Variants in RNGTT observed in about 807,000 individuals in gnomAD.
RNGTT encodes mRNA-capping enzyme.
A neutral mutation model predicts 79.3 loss-of-function variants in RNGTT; 33 were observed. The ratio of observed to expected loss-of-function variants is 0.42; its 90% confidence interval spans 0.32 to 0.56. The LOEUF is 0.56. Among genes scored for constraint, RNGTT ranks in the 20% least tolerant of loss-of-function variants. The pLI is 0.17. For synonymous variants in RNGTT, 222 were observed against 235.9 expected (o/e 0.94, Z 0.54); for missense variants, 497 against 739.1 (o/e 0.67, Z 3.80).
intron 13 of RNGTT, among the ~76,000 whole-genome samples, chr6:88,683,248 A>G (rs1256682543): frequency 6.6e-6 from 1 of 152,144 alleles, no homozygotes; most frequent in African/African-American, 2.4e-5. Context: ...AAGAAAACAC[A>G]CAAATAATCA....
rs1047103975 is a variant in RNGTT at position 88,612,664 on chromosome 6, A to G, written c.*55T>C. 7.1e-6 allele frequency: 11 copies of G among 1,539,020 alleles called. No individual in the cohort carries two copies. The East Asian group carries it at 2.1e-4, about 29-fold the overall frequency. ...ATTTCTCTGGCTACAAAAATGGGCA[A>G]CAGCGTTTTTTCCTCATTCCTCTTT... On this transcript the variant is annotated 3_prime_UTR_variant, in exon 16 of 16. Coordinates refer to ENST00000369485, the MANE Select transcript of RNGTT (RefSeq NM_003800.5).
chr6:88,753,662 T>G (rs1777913172), intron 13 of RNGTT, among the ~76,000 whole-genome samples: 1 of 151,912 alleles, frequency 6.6e-6, no homozygotes, highest in Non-Finnish European at 1.5e-5. Context: ...ATGCAACCGT[T>G]TAAATAGTAA....
At chr6:88,659,991 C>T (rs1774121012) in intron 14 of RNGTT, among the ~76,000 whole-genome samples, 1 of 152,146 alleles carries the variant, frequency 6.6e-6, no homozygotes, top group Non-Finnish European at 1.5e-5. Flanking sequence ...GCATTGGGGT[C>T]CTATCTTTAC....
intron 8 of RNGTT, among the ~76,000 whole-genome samples, chr6:88,854,906 A>G (rs531626182): frequency 2.2e-4 from 34 of 152,364 alleles, no homozygotes; most frequent in African/African-American, 8.2e-4. Context: ...TACCAAATGG[A>G]TAATAAGAAG....
chr6:88,698,084 GAT>G (rs1207357976), intron 13 of RNGTT, among the ~76,000 whole-genome samples: 4 of 75,866 alleles, frequency 5.3e-5, no homozygotes, highest in African/African-American at 2.9e-4. Flanking sequence ...ACATATATAT[GAT>G]ATATATATGA....
chr6:88,723,223 T>C (rs958550962), intron 13 of RNGTT, among the ~76,000 whole-genome samples: 1 of 152,256 alleles, frequency 6.6e-6, no homozygotes. Context: ...CTGATTATCC[T>C]GACCCTATAT....
rs138364922 is a variant in RNGTT, at chr6:88,884,294, G to C, written c.896+6201C>G. Among the ~76,000 whole-genome samples the C allele has an allele frequency of 4.5e-4, 69 of 152,246 alleles. No individual in the cohort carries two copies. The East Asian group carries it at 0.012, about 27-fold the overall frequency. ...TCGTTGAATAAACTACTCACACAATGGGTACAATGCAGCTGTAAAAAAAGA... is the reference window on the plus strand; with the variant it reads ...TCGTTGAATAAACTACTCACACAATCGGTACAATGCAGCTGTAAAAAAAGA... On this transcript the variant is annotated intron_variant, in intron 8 of 15. Coordinates refer to ENST00000369485, the MANE Select transcript of RNGTT (RefSeq NM_003800.5).
intron 13 of RNGTT, among the ~76,000 whole-genome samples, chr6:88,756,755 GAC>G (rs1464990041): frequency 6.6e-6 from 1 of 152,060 alleles, no homozygotes; most frequent in East Asian, 1.9e-4. Context: ...GTTTTAACAA[GAC>G]AGCATCAAAT....
chr6:88,806,728 C>A (rs992041902), intron 11 of RNGTT, among the ~76,000 whole-genome samples: 1 of 152,104 alleles, frequency 6.6e-6, no homozygotes, highest in Non-Finnish European at 1.5e-5. Flanking sequence ...TTTGACCCAG[C>A]AATCCCATTA....
At chr6:88,803,590 A>AC (rs1430171814) in intron 11 of RNGTT, among the ~76,000 whole-genome samples, 4 of 151,660 alleles carry the variant, frequency 2.6e-5, no homozygotes, top group East Asian at 3.9e-4. Context: ...AAAAAAAAAA[A>AC]AAAAAAACTA....
intron 13 of RNGTT, among the ~76,000 whole-genome samples, chr6:88,686,169 A>C (rs1463644520): frequency 6.6e-6 from 1 of 151,578 alleles, no homozygotes; most frequent in Non-Finnish European, 1.5e-5. Flanking sequence ...TGGATGATCC[A>C]ATTCAAAATG....
intron 2 of RNGTT, among the ~76,000 whole-genome samples, chr6:88,935,537 A>C (rs1784638904): frequency 6.6e-6 from 1 of 152,208 alleles, no homozygotes; most frequent in Non-Finnish European, 1.5e-5. Flanking sequence ...AACACAGTGA[A>C]ACCCCATCTT....
At chr6:88,692,826 A>G (rs1775531131) in intron 13 of RNGTT, among the ~76,000 whole-genome samples, 1 of 152,024 alleles carries the variant, frequency 6.6e-6, no homozygotes, top group South Asian at 2.1e-4. Context: ...TCATCTCTCA[A>G]ATTTTGTTTA....
intron 11 of RNGTT, among the ~76,000 whole-genome samples, chr6:88,828,066 TG>T (rs1047893849): frequency 3.3e-5 from 5 of 152,140 alleles, no homozygotes; most frequent in Admixed American, 3.3e-4. Flanking sequence ...CCTCCTCAAT[TG>T]GGTCCCTGAC....
rs146893251 is a variant in RNGTT, at chr6:88,894,692, A to G, written c.685-2777T>C. Among the ~76,000 whole-genome samples the G allele has an allele frequency of 2.2e-3, 339 of 152,286 alleles. 3 individuals carry two copies. Among genetic ancestry groups the G allele is most frequent in the African/African-American group, 8.0e-3 (332 of 41,576 alleles). On this transcript the variant is annotated intron_variant, in intron 6 of 15. Transcript: ENST00000369485. The stretch of plus-strand genomic sequence containing the variant: ...TCTACAGCTGACTACCTTCATTGTT[A>G]TGTATGAGATGGTTTCACTCCTTGA...
chr6:88,756,045 T>A (rs544816968), intron 13 of RNGTT, among the ~76,000 whole-genome samples: 1 of 151,142 alleles, frequency 6.6e-6, no homozygotes, highest in East Asian at 1.9e-4. Flanking sequence ...GAAATATATC[T>A]GATTATGAAT....
chr6:88,906,899 T>G (rs1408202666), intron 4 of RNGTT, among the ~76,000 whole-genome samples: 1 of 152,110 alleles, frequency 6.6e-6, no homozygotes, highest in Non-Finnish European at 1.5e-5. Flanking sequence ...TTTTCTAAAA[T>G]CCAGAAGCTA....
chr6:88,908,488 A>C (rs1783728442), intron 4 of RNGTT, among the ~76,000 whole-genome samples: 1 of 152,182 alleles, frequency 6.6e-6, no homozygotes, highest in Non-Finnish European at 1.5e-5. Flanking sequence ...GAGGCAAAGC[A>C]GACACAGTGT....
chr6:88,826,801 T>A (rs12175804), intron 11 of RNGTT, among the ~76,000 whole-genome samples: 43,522 of 115,214 alleles, frequency 0.38, 8,264 homozygotes, highest in South Asian at 0.48. Flanking sequence ...AAAAAAAAAA[T>A]ATATATATAT....
Sources: allele counts gnomAD v4.1 joint callset (sites outside exome capture counted in the v4.1 genomes callset), GRCh38; gene constraint gnomAD v4.1.1; transcripts MANE v1.5; gene names NCBI Gene and HGNC (gene_info 2026-07-23, HGNC 2026-07-21).